The following RHOJ variants were observed in gnomAD, a reference collection of about 807,000 sequenced individuals.
RHOJ encodes the protein rho-related GTP-binding protein RhoJ.
A neutral mutation model predicts 23.4 loss-of-function variants in RHOJ; 11 were observed. The observed-to-expected ratio is 0.47, with a 90% CI of 0.30 to 0.78. The LOEUF is 0.78. RHOJ is among the 30% of genes least tolerant of loss of function. The pLI is 0.08. For missense variants in RHOJ, 254 were observed against 273.4 expected (o/e 0.93, Z 0.50); for synonymous variants, 102 against 102.7 (o/e 0.99, Z 0.04).
intron 1 of RHOJ, among the ~76,000 whole-genome samples, chr14:63,262,461 C>T (rs552516828): frequency 1.3e-5 from 2 of 152,330 alleles, no homozygotes; most frequent in South Asian, 4.1e-4. Flanking sequence ...CTTCATTTTA[C>T]ATACTTAACA....
chr14:63,206,464 T>G (rs1894110835), intron 1 of RHOJ, among the ~76,000 whole-genome samples: 2 of 152,212 alleles, frequency 1.3e-5, no homozygotes, highest in Admixed American at 1.3e-4. Flanking sequence ...ATTCTTCTCC[T>G]GAAACCATCT....
chr14:63,246,524 T>C (rs1253596895), intron 1 of RHOJ, among the ~76,000 whole-genome samples: 2 of 152,192 alleles, frequency 1.3e-5, no homozygotes, highest in Admixed American at 1.3e-4. Flanking sequence ...GAGACTCTTT[T>C]TTTCCTGTAC....
intron 2 of RHOJ, among the ~76,000 whole-genome samples, chr14:63,274,064 G>A (rs1881635516): frequency 6.6e-6 from 1 of 152,164 alleles, no homozygotes; most frequent in African/African-American, 2.4e-5. Context: ...CTGAAGTCCC[G>A]CTTTCCCCCA....
chr14:63,261,389 C>G (rs1380932479), intron 1 of RHOJ, among the ~76,000 whole-genome samples: 1 of 151,886 alleles, frequency 6.6e-6, no homozygotes, highest in East Asian at 1.9e-4. Flanking sequence ...AATCAGTTTT[C>G]TATTGAACCT....
intron 1 of RHOJ, among the ~76,000 whole-genome samples, chr14:63,222,069 C>A (rs138357847): frequency 1.3e-5 from 2 of 148,414 alleles, no homozygotes; most frequent in African/African-American, 5.0e-5. Context: ...TGAGAACATG[C>A]GGTGTTTGGT....
chr14:63,204,895 G>T lies in RHOJ; in HGVS notation c.26G>T (p.Ser9Ile). The T allele has an allele frequency of 4.3e-6, 7 of 1,613,952 alleles. No individual in the cohort carries two copies. The highest frequency in any genetic ancestry group is 5.9e-6 in the Non-Finnish European group (7 of 1,179,930). ...ATGAACTGCAAAGAGGGAACTGACAGCAGCTGCGGCTGCAGGGGCAACGAC... is the reference window on the plus strand; with the variant it reads ...ATGAACTGCAAAGAGGGAACTGACATCAGCTGCGGCTGCAGGGGCAACGAC... MNCKEGTD[S>I]SCGCRGNDEK... is the part of the protein sequence containing the mutation. Residue 9 changes from serine (S) to isoleucine (I), a missense_variant, in exon 1 of 5, where the codon AGC becomes ATC. Transcript: ENST00000316754.
chr14:63,212,495 A>G (rs141920671), intron 1 of RHOJ, among the ~76,000 whole-genome samples: 139 of 152,280 alleles, frequency 9.1e-4, no homozygotes, highest in African/African-American at 3.2e-3. Context: ...GATTCTGTTC[A>G]TTTGATCTAA....
intron 4 of RHOJ, chr14:63,288,406 G>A (rs1269844262): frequency 1.1e-6 from 1 of 894,048 alleles, no homozygotes; most frequent in Non-Finnish European, 1.3e-6. Flanking sequence ...ATTCCAGATA[G>A]AAAGGTGCTA....
intron 2 of RHOJ, among the ~76,000 whole-genome samples, chr14:63,270,227 G>A (rs1032824185): frequency 7.1e-6 from 1 of 141,014 alleles, no homozygotes; most frequent in Non-Finnish European, 1.5e-5. Context: ...CAACTTGAAA[G>A]TTCTTCACAA....
intron 2 of RHOJ, among the ~76,000 whole-genome samples, chr14:63,272,879 C>G (rs553880358): frequency 6.6e-6 from 1 of 152,076 alleles, no homozygotes; most frequent in African/African-American, 2.4e-5. Flanking sequence ...CAAAATTAGC[C>G]GAGCATGGTG....
At chr14:63,252,152 C>T (rs10135383) in intron 1 of RHOJ, among the ~76,000 whole-genome samples, 7,523 of 152,172 alleles carry the variant, frequency 0.049, 617 homozygotes, top group African/African-American at 0.17. Context: ...GCCAGCAGAC[C>T]TGCATTCCTA....
chr14:63,230,891 A>AGT lies in RHOJ; in HGVS notation c.178+25846_178+25847dup, dbSNP rs1212224469. On this transcript the variant is annotated intron_variant, in intron 1 of 4. Coordinates refer to ENST00000316754, the MANE Select transcript of RHOJ (RefSeq NM_020663.5). ...AGTCTCACTCTGTCGCCCAGGCTGGAGTGCAGTGGTGTGATCTCAGCTCAC... is the reference window on the plus strand; with the variant it reads ...AGTCTCACTCTGTCGCCCAGGCTGGAGTGTGCAGTGGTGTGATCTCAGCTCAC... Among the ~76,000 whole-genome samples the AGT allele has an allele frequency of 5.4e-5, 7 of 128,706 alleles. No individual in the cohort carries two copies. In the East Asian group the frequency reaches 1.8e-3, roughly 34 times the overall value. 84.4% of individuals were successfully genotyped at this position (128,706 alleles called of 152,430 possible).
chr14:63,269,409 A>G, intron 2 of RHOJ: 1 of 370,178 alleles, frequency 2.7e-6, no homozygotes, highest in East Asian at 4.1e-5. Context: ...TTGACTGATG[A>G]CCATCAAAAA....
intron 1 of RHOJ, among the ~76,000 whole-genome samples, chr14:63,235,268 T>A (rs537857064): frequency 9.2e-5 from 14 of 151,884 alleles, no homozygotes; most frequent in African/African-American, 2.9e-4. Flanking sequence ...CAGCTATAGA[T>A]TAAATGCTCT....
chr14:63,227,542 CAAGAAAAATCTA>C (rs1385055173), intron 1 of RHOJ, among the ~76,000 whole-genome samples: 1 of 151,776 alleles, frequency 6.6e-6, no homozygotes, highest in South Asian at 2.1e-4. Flanking sequence ...CTGGAATAGC[CAAGAAAAATCTA>C]AAGAACACAA....
At chr14:63,262,362 T>G (rs1895287590) in intron 1 of RHOJ, among the ~76,000 whole-genome samples, 1 of 152,156 alleles carries the variant, frequency 6.6e-6, no homozygotes, top group African/African-American at 2.4e-5. Flanking sequence ...CATTAGCATC[T>G]CATACCAAGT....
chr14:63,231,472 AGTC>A (rs1894693892), intron 1 of RHOJ, among the ~76,000 whole-genome samples: 1 of 152,228 alleles, frequency 6.6e-6, no homozygotes, highest in East Asian at 1.9e-4. Flanking sequence ...GCAAAGAACT[AGTC>A]ATGCTTTTGC....
At chr14:63,243,474 G>A (rs1026161692) in intron 1 of RHOJ, among the ~76,000 whole-genome samples, 4 of 152,098 alleles carry the variant, frequency 2.6e-5, no homozygotes, top group African/African-American at 9.7e-5. Flanking sequence ...CGAGTAGCTG[G>A]GATTACAGGC....
chr14:63,276,558 G>A (rs1881724780), intron 2 of RHOJ, among the ~76,000 whole-genome samples: 7 of 152,084 alleles, frequency 4.6e-5, no homozygotes, highest in Admixed American at 4.6e-4. Context: ...TACGCATTCA[G>A]TAGGCACGAA....
Sources: allele counts gnomAD v4.1 joint callset (sites outside exome capture counted in the v4.1 genomes callset), GRCh38; gene constraint gnomAD v4.1.1; transcripts MANE v1.5; gene names NCBI Gene and HGNC (gene_info 2026-07-23, HGNC 2026-07-21).